The following ZBTB7C variants were observed in gnomAD, a reference collection of about 807,000 sequenced individuals.
The protein encoded by ZBTB7C is zinc finger and BTB domain-containing protein 7C.
In ZBTB7C, 8 loss-of-function variants were observed where a neutral mutation model predicts 25.7. The ratio of observed to expected loss-of-function variants is 0.31; its 90% CI spans 0.18 to 0.56. ZBTB7C has a LOEUF of 0.56. ZBTB7C is among the 20% of genes least tolerant of loss of function. The pLI is 0.91. For synonymous variants in ZBTB7C, 394 were observed against 369.0 expected (o/e 1.07, Z -0.78); for missense variants, 824 against 855.2 (o/e 0.96, Z 0.46).
At chr18:48,307,632 A>G (rs76505644) in intron 2 of ZBTB7C, among the ~76,000 whole-genome samples, 27,111 of 152,192 alleles carry the variant, frequency 0.18, 2,512 homozygotes, top group African/African-American at 0.21. Flanking sequence ...GGTGGATGGC[A>G]AGGTCAAGAG....
intron 1 of ZBTB7C, among the ~76,000 whole-genome samples, chr18:48,388,362 C>A (rs567071793): frequency 6.6e-6 from 1 of 152,002 alleles, no homozygotes; most frequent in Non-Finnish European, 1.5e-5. Flanking sequence ...TTCTCCCTAG[C>A]GAGGAATGTG....
chr18:48,335,177 G>A (rs545479151), intron 2 of ZBTB7C, among the ~76,000 whole-genome samples: 92 of 152,338 alleles, frequency 6.0e-4, no homozygotes, highest in African/African-American at 2.2e-3. Context: ...TCATGCAAAG[G>A]GAGAGTGGAG....
At chr18:48,271,021 A>C (rs2144574235) in intron 2 of ZBTB7C, among the ~76,000 whole-genome samples, 1 of 152,362 alleles carries the variant, frequency 6.6e-6, no homozygotes, top group East Asian at 1.9e-4. Flanking sequence ...ACATATATGT[A>C]TAAATGATCA....
chr18:48,212,611 C>T lies in ZBTB7C; in HGVS notation c.-78-26616G>A, dbSNP rs183512959. ...GGGCAGGGGGTATAAGGGAACTCTC[C>T]GTACTTTCTGCTCAATTTTGCTGTG... On this transcript the variant is annotated intron_variant, in intron 2 of 4. Transcript: ENST00000590800. 4.3e-4 allele frequency among the ~76,000 whole-genome samples: 65 copies of T among 152,114 alleles called. 1 individual carries two copies. Among genetic ancestry groups the T allele is most frequent in the African/African-American group, 1.5e-3 (62 of 41,450 alleles).
intron 3 of ZBTB7C, among the ~76,000 whole-genome samples, chr18:48,085,642 C>T (rs1310736751): frequency 1.3e-5 from 2 of 152,222 alleles, no homozygotes; most frequent in Non-Finnish European, 2.9e-5. Context: ...GTACTTAGAA[C>T]AATTCCTGGC....
At chr18:48,274,080 T>C (rs1424918837) in intron 2 of ZBTB7C, among the ~76,000 whole-genome samples, 3 of 152,218 alleles carry the variant, frequency 2.0e-5, no homozygotes, top group African/African-American at 7.2e-5. Flanking sequence ...TCATGATACA[T>C]GTGTAAAGGA....
chr18:48,095,609 G>A (rs1418057628), intron 3 of ZBTB7C, among the ~76,000 whole-genome samples: 1 of 152,130 alleles, frequency 6.6e-6, no homozygotes, highest in African/African-American at 2.4e-5. Flanking sequence ...CTACTCCAGA[G>A]GCTGAGGCAG....
intron 2 of ZBTB7C, among the ~76,000 whole-genome samples, chr18:48,261,533 G>T (rs556399097): frequency 6.6e-6 from 1 of 152,332 alleles, no homozygotes; most frequent in African/African-American, 2.4e-5. Context: ...AGAGAGAGTT[G>T]TTCTCATAGG....
chr18:48,037,242 A>G (rs1029239654), intron 4 of ZBTB7C, among the ~76,000 whole-genome samples: 2 of 152,196 alleles, frequency 1.3e-5, no homozygotes, highest in African/African-American at 4.8e-5. Flanking sequence ...TCAGCTGGAG[A>G]CAGGCCTGGG....
intron 1 of ZBTB7C, among the ~76,000 whole-genome samples, chr18:48,340,141 C>T (rs1122762): frequency 0.23 from 35,060 of 152,112 alleles, 4,997 homozygotes; most frequent in East Asian, 0.7. Flanking sequence ...TGCTCCTGGA[C>T]AATGGGATTC....
intron 2 of ZBTB7C, among the ~76,000 whole-genome samples, chr18:48,236,960 G>A (rs1239684588): frequency 1.3e-5 from 2 of 152,158 alleles, no homozygotes; most frequent in Non-Finnish European, 2.9e-5. Flanking sequence ...ATTAGCAATG[G>A]CAACCATCCT....
chr18:48,065,364 C>T (rs762230931), intron 3 of ZBTB7C, among the ~76,000 whole-genome samples: 14 of 152,160 alleles, frequency 9.2e-5, no homozygotes, highest in Admixed American at 2.0e-4. Context: ...CAAACACACA[C>T]GCCTGAGAAA....
chr18:48,322,213 G>C (rs1360794722), intron 2 of ZBTB7C, among the ~76,000 whole-genome samples: 1 of 152,154 alleles, frequency 6.6e-6, no homozygotes, highest in Non-Finnish European at 1.5e-5. Flanking sequence ...CCCTAAGCAG[G>C]ATTTCTCAAT....
At chr18:48,219,587 A>AAG (rs2042903362) in intron 2 of ZBTB7C, among the ~76,000 whole-genome samples, 1 of 152,144 alleles carries the variant, frequency 6.6e-6, no homozygotes. Flanking sequence ...TCTATGCACA[A>AAG]AGCCACACTC....
At chr18:48,142,123 G>C (rs1237762446) in intron 3 of ZBTB7C, among the ~76,000 whole-genome samples, 1 of 152,218 alleles carries the variant, frequency 6.6e-6, no homozygotes, top group Non-Finnish European at 1.5e-5. Context: ...GTGTGTTAGG[G>C]GGGCAACCCA....
intron 3 of ZBTB7C, among the ~76,000 whole-genome samples, chr18:48,114,711 T>C (rs2039366662): frequency 6.6e-6 from 1 of 152,246 alleles, no homozygotes; most frequent in East Asian, 1.9e-4. Flanking sequence ...TCACAGTATA[T>C]TCATTGGGAT....
intron 3 of ZBTB7C, among the ~76,000 whole-genome samples, chr18:48,057,050 CAAAAAAAAAA>C (rs11380205): frequency 1.6e-5 from 1 of 64,320 alleles, no homozygotes; most frequent in Non-Finnish European, 3.1e-5. Context: ...GAAAAATTGT[CAAAAAAAAAA>C]AAAAAAAAAA....
chr18:48,069,276 T>C (rs2037454312), intron 3 of ZBTB7C, among the ~76,000 whole-genome samples: 2 of 152,234 alleles, frequency 1.3e-5, no homozygotes, highest in Admixed American at 6.5e-5. Context: ...GAAAATGCCC[T>C]TCCCTTGCTT....
chr18:48,066,227 C>G (rs8093824), intron 3 of ZBTB7C, among the ~76,000 whole-genome samples: 1,698 of 152,322 alleles, frequency 0.011, 40 homozygotes, highest in South Asian at 0.087. Flanking sequence ...GGCTCTGTCT[C>G]TAGAGCCCCT....
Sources: gnomAD v4.1 joint callset for allele counts (sites outside exome capture counted in the v4.1 genomes callset) on GRCh38, gnomAD v4.1.1 for gene constraint, MANE v1.5 for transcripts, NCBI Gene and HGNC (gene_info 2026-07-23, HGNC 2026-07-21) for gene names.